IPPK: variants seen among roughly 807,000 people sequenced by gnomAD.
The protein encoded by IPPK is IPK1 homolog.
Under a neutral mutation model 64.6 loss-of-function variants are expected in IPPK, and 22 were observed. The observed-to-expected ratio is 0.34, with a 90% confidence interval of 0.24 to 0.49. The LOEUF (loss-of-function observed/expected upper bound fraction) is 0.49, where lower values mean the gene tolerates loss of function less well. IPPK is among the 20% of genes least tolerant of loss of function. The pLI is 0.99. For missense variants in IPPK, 532 were observed against 630.7 expected, an observed-to-expected ratio of 0.84 and a Z score of 1.68; for synonymous variants, 262 against 247.2, an observed-to-expected ratio of 1.06 and a Z score of -0.56.
At chr9:92,668,988 G>C (rs1852665071) in intron 1 of IPPK, among the ~76,000 whole-genome samples, 1 of 152,238 alleles carries the variant, frequency 6.6e-6, no homozygotes, top group African/African-American at 2.4e-5. Context: ...CTGTCCAAGG[G>C]ATGACAATTA....
intron 8 of IPPK, 29 bp from the exon 9 acceptor site, chr9:92,638,309 C>T (rs543064217): frequency 1.8e-4 from 293 of 1,598,618 alleles, no homozygotes; most frequent in East Asian, 1.6e-4. Context: ...AAGAGGGAAA[C>T]GTCAAACCAC....
Position 92,613,442 on chromosome 9 carries a change from C to A in IPPK, c.*2390G>T, listed in dbSNP as rs890649315. 1 of 332,062 alleles carries A rather than the reference C, an allele frequency of 3.0e-6. No individual in the cohort carries two copies. The highest frequency in any genetic ancestry group is 2.9e-5 in the South Asian group (1 of 35,086). The allele number at this position is 332,062 out of a possible 1,614,324, so 20.6% of individuals were successfully genotyped here. Reference sequence around the variant, plus strand: ...CCTCAGATGTGTGGGGAGGATCCATCCCCCACCCACTGCAGCCTCACACCG... The same window carrying A: ...CCTCAGATGTGTGGGGAGGATCCATACCCCACCCACTGCAGCCTCACACCG... On this transcript the variant is annotated 3_prime_UTR_variant, in exon 13 of 13. Coordinates refer to ENST00000287996, the MANE Select transcript of IPPK (RefSeq NM_022755.6).
At chr9:92,666,639 T>G (rs971102366) in intron 1 of IPPK, among the ~76,000 whole-genome samples, 5 of 152,168 alleles carry the variant, frequency 3.3e-5, no homozygotes, top group Non-Finnish European at 1.5e-5. Context: ...ACACCATGGT[T>G]ACCTGTGCCT....
rs1408582759 is a variant in IPPK at position 92,670,057 on chromosome 9, C to T, written c.-69G>A. The T allele has an allele frequency of 1.7e-6, 2 of 1,192,054 alleles. No homozygotes were observed. Among genetic ancestry groups the T allele is most frequent in the African/African-American group, 1.6e-5 (1 of 63,188 alleles). The allele number at this position is 1,192,054 out of a possible 1,614,324, so 73.8% of individuals were successfully genotyped here. A position where few individuals can be genotyped will look rare whatever the true frequency, so the allele number is the denominator to read the frequency against. On this transcript the variant is annotated 5_prime_UTR_variant, in exon 1 of 13. Transcript: ENST00000287996. ...CGCGAGCTGGGGGCCGCCCGCCTCG[C>T]TGGGAACCAGCCGCTGCGGTCGGGG...
At position 92,619,544 on chromosome 9, in the gene IPPK, T is replaced by G; in HGVS notation, c.1192A>C (p.Met398Leu). 1 of 1,589,270 alleles carries G rather than the reference T, an allele frequency of 6.3e-7. No individual in the cohort carries two copies. Among genetic ancestry groups the G allele is most frequent in the South Asian group, 1.2e-5 (1 of 86,630 alleles). ...ATGATGGAGCAGTCCTTGGCAGTCA[T>G]GGCGACGCGGTACTGCTGCACCTGC... ...LTKVQQYRVAMTAKDCSIMIA... is the reference protein window; with the variant it reads ...LTKVQQYRVALTAKDCSIMIA... The change falls in exon 12 of 13, where the codon ATG becomes CTG. Residue 398 changes from methionine to leucine, a missense_variant. Transcript: ENST00000287996.
rs754601721 is a variant in IPPK, at chr9:92,635,356, A to C, written c.917-48T>G. 3.2e-6 allele frequency: 5 copies of C among 1,583,830 alleles called. No individual in the cohort carries two copies. In the Admixed American group the frequency reaches 7.2e-5, roughly 23 times the overall value. ...ACGAGAGCATGTTGATTATCAAAGA[A>C]CGTGGAGGGAGACACAGGCCGGCGC... On this transcript the variant is annotated intron_variant, in intron 9 of 12. Transcript: ENST00000287996. The surrounding 1 kb of genome is among the most constrained non-coding windows in gnomAD (Gnocchi z 4.4).
chr9:92,651,900 A>AT (rs1852274052), intron 4 of IPPK, among the ~76,000 whole-genome samples: 1 of 151,612 alleles, frequency 6.6e-6, no homozygotes, highest in Non-Finnish European at 1.5e-5. Flanking sequence ...ACATATATAT[A>AT]TTTTGTTTGT....
rs1251854461 is a variant in IPPK, at chr9:92,650,806, T to C, written c.293-1232A>G. Among the ~76,000 whole-genome samples, 7 of 152,036 alleles carry C rather than the reference T, an allele frequency of 4.6e-5. No individual in the cohort carries two copies. The South Asian group carries it at 8.3e-4, about 18-fold the overall frequency. On this transcript the variant is annotated intron_variant, in intron 4 of 12. Coordinates refer to ENST00000287996, the MANE Select transcript of IPPK (RefSeq NM_022755.6). Reference sequence around the variant, plus strand: ...AGGGGGCTGCAGGCTCTACCTTCTCTCACATCTAGGCCCTTCCCAGTCCCC... The same window carrying C: ...AGGGGGCTGCAGGCTCTACCTTCTCCCACATCTAGGCCCTTCCCAGTCCCC...
intron 8 of IPPK, among the ~76,000 whole-genome samples, 156 bp from the exon 9 acceptor site, chr9:92,638,436 G>A (rs759092593): frequency 4.6e-5 from 7 of 152,324 alleles, no homozygotes; most frequent in Non-Finnish European, 8.8e-5. Context: ...CGGCTCCTCC[G>A]GGGAAATCCA....
chr9:92,615,576 T>C lies in IPPK; in HGVS notation c.*256A>G. On this transcript the variant is annotated 3_prime_UTR_variant, in exon 13 of 13. Transcript: ENST00000287996. ...GAAAGAAGAACTATCCAGAACGTCT[T>C]CCCAGGGCTTAACGGACACTTCCAT... 2.2e-6 allele frequency: 1 copy of C among 463,138 alleles called. No individual in the cohort carries two copies. Among genetic ancestry groups the C allele is most frequent in the Non-Finnish European group, 3.9e-6 (1 of 253,774 alleles). The allele number at this position is 463,138 out of a possible 1,614,324, so 28.7% of individuals were successfully genotyped here.
At chr9:92,643,446 C>T (rs1002364458) in intron 6 of IPPK, among the ~76,000 whole-genome samples, 1 of 152,138 alleles carries the variant, frequency 6.6e-6, no homozygotes, top group African/African-American at 2.4e-5. Context: ...GGGACCAGCA[C>T]ATAGCAAACA....
chr9:92,646,127 G>C (rs2146848), intron 6 of IPPK, among the ~76,000 whole-genome samples: 19,028 of 152,194 alleles, frequency 0.13, 1,544 homozygotes, highest in East Asian at 0.31. Flanking sequence ...CAAAGCTTTA[G>C]AGGAGCAAAA....
At chr9:92,668,837 T>C (rs1028913076) in intron 1 of IPPK, among the ~76,000 whole-genome samples, 3 of 152,166 alleles carry the variant, frequency 2.0e-5, no homozygotes, top group Non-Finnish European at 4.4e-5. Flanking sequence ...ACCTGGGTGT[T>C]TGCAGCTTAC....
chr9:92,648,077 G>A lies in IPPK; in HGVS notation c.486C>T (p.Cys162=), dbSNP rs1852184935. The A allele has an allele frequency of 1.2e-6, 2 of 1,612,934 alleles. No individual in the cohort carries two copies. Among genetic ancestry groups the A allele is most frequent in the African/African-American group, 2.7e-5 (2 of 75,014 alleles). ...CTCTCACCTTGAGGTGCTGGTGCAT[G>A]CAGTATCGACAGACCTTATGCTTCA... The part of the protein sequence containing the change: ...HEMKHKVCRY[C]MHQHLKVATG... The change falls in exon 6 of 13, where the codon TGC becomes TGT. Residue 162 remains cysteine (C), a synonymous_variant. Coordinates refer to ENST00000287996, the MANE Select transcript of IPPK (RefSeq NM_022755.6).
Position 92,638,094 on chromosome 9 carries a change from T to C in IPPK, c.823A>G (p.Lys275Glu). Residue 275 changes from lysine (K) to glutamate (E), a missense_variant, in exon 9 of 13, where the codon AAG becomes GAG. Coordinates refer to ENST00000287996, the MANE Select transcript of IPPK (RefSeq NM_022755.6). ...ITRVLLSGSD[K>E]GRAGTLSPGL... ...GGACTCAGGGTGCCTGCCCGGCCCT[T>C]GTCCGAGCCACTCAGCAGCACCCGT... The C allele has an allele frequency of 1.2e-6, 2 of 1,613,762 alleles. No individual in the cohort carries two copies. Among genetic ancestry groups the C allele is most frequent in the Non-Finnish European group, 1.7e-6 (2 of 1,179,900 alleles).
chr9:92,633,347 G>A (rs569889444), intron 11 of IPPK, among the ~76,000 whole-genome samples: 1 of 151,278 alleles, frequency 6.6e-6, no homozygotes, highest in Non-Finnish European at 1.5e-5. Context: ...ATAAAATACA[G>A]GTGGCAGAAA....
At chr9:92,669,264 G>C (rs960581437) in intron 1 of IPPK, among the ~76,000 whole-genome samples, 2 of 151,966 alleles carry the variant, frequency 1.3e-5, no homozygotes, top group Non-Finnish European at 2.9e-5. Context: ...AAACCCACAC[G>C]CTTCACTCTT....
At chr9:92,618,136 G>A in intron 12 of IPPK, 1 of 425,572 alleles carries the variant, frequency 2.3e-6, no homozygotes, top group South Asian at 1.6e-5. Flanking sequence ...CTTCCTGGAA[G>A]CAGGCCCAGC....
intron 6 of IPPK, among the ~76,000 whole-genome samples, chr9:92,646,617 G>A (rs914434422): frequency 4.5e-4 from 68 of 152,182 alleles, no homozygotes; most frequent in Non-Finnish European, 6.5e-4. Context: ...GTTACTTAAA[G>A]ATTTATTAGA....
Sources: allele counts gnomAD v4.1 joint callset (sites outside exome capture counted in the v4.1 genomes callset), GRCh38; gene constraint gnomAD v4.1.1; non-coding constraint Gnocchi (gnomAD v3.1); transcripts MANE v1.5; gene names NCBI Gene and HGNC (gene_info 2026-07-23, HGNC 2026-07-21).